The following DCAF1 variants were observed in gnomAD, a reference collection of about 807,000 sequenced individuals.
DCAF1 encodes DDB1- and CUL4-associated factor 1.
A neutral mutation model predicts 128.0 loss-of-function variants in DCAF1; 15 were observed. The observed-to-expected ratio is 0.12, with a 90% CI of 0.08 to 0.18. The LOEUF (loss-of-function observed/expected upper bound fraction) is 0.18, where lower values mean the gene tolerates loss of function less well. Among genes scored for constraint, DCAF1 ranks in the 10% least tolerant of loss-of-function variants. The pLI, the probability that DCAF1 is intolerant of heterozygous loss-of-function variation, is 1.00. For synonymous variants in DCAF1, 610 were observed against 603.0 expected (o/e 1.01, Z -0.17); for missense variants, 988 against 1,649.5 (o/e 0.60, Z 6.95).
At chr3:51,477,838 T>A (rs1269855239) in intron 3 of DCAF1, among the ~76,000 whole-genome samples, 1 of 152,126 alleles carries the variant, frequency 6.6e-6, no homozygotes, top group Non-Finnish European at 1.5e-5. Context: ...ATGAACTGAT[T>A]CACTCATTTT....
At chr3:51,426,776 C>T (rs1390662096) in intron 13 of DCAF1, among the ~76,000 whole-genome samples, 3 of 152,114 alleles carry the variant, frequency 2.0e-5, no homozygotes, top group Admixed American at 6.6e-5. Flanking sequence ...AGGTCAAGCA[C>T]TCTGTTTATA....
At chr3:51,432,353 C>T (rs1700466938) in intron 10 of DCAF1, among the ~76,000 whole-genome samples, 1 of 151,408 alleles carries the variant, frequency 6.6e-6, no homozygotes, top group Admixed American at 6.6e-5. Context: ...AGGCTGAGCA[C>T]TTGGGCAATA....
chr3:51,430,276 T>A (rs539675391), intron 10 of DCAF1, 64 bp from the exon 11 acceptor site: 1 of 718,576 alleles, frequency 1.4e-6, no homozygotes, highest in Admixed American at 2.0e-5. Context: ...TTGAACAGGA[T>A]GGAAAATTTG....
At chr3:51,483,962 T>C (rs1577303426) in intron 2 of DCAF1, 126 bp from the exon 3 acceptor site, 3 of 662,068 alleles carry the variant, frequency 4.5e-6, no homozygotes, top group East Asian at 5.4e-5. Context: ...TTTAACCCCT[T>C]GAACCCTTTG....
intron 6 of DCAF1, among the ~76,000 whole-genome samples, chr3:51,452,768 T>C (rs1702483436): frequency 6.6e-6 from 1 of 152,112 alleles, no homozygotes; most frequent in African/African-American, 2.4e-5. Flanking sequence ...TCCCAGCACT[T>C]TGGGAGGCTG....
At chr3:51,449,872 CA>C (rs1177381217) in intron 6 of DCAF1, among the ~76,000 whole-genome samples, 3 of 151,994 alleles carry the variant, frequency 2.0e-5, no homozygotes, top group Admixed American at 2.0e-4. Flanking sequence ...TACAATTGTA[CA>C]ACAACAAATT....
intron 9 of DCAF1, among the ~76,000 whole-genome samples, chr3:51,435,237 C>T (rs1204717544): frequency 6.6e-6 from 1 of 152,142 alleles, no homozygotes; most frequent in Non-Finnish European, 1.5e-5. Context: ...TAGCAACTGC[C>T]CAATCCCTTC....
rs917143192 is a variant in DCAF1, at chr3:51,398,242, G to T, written c.*527C>A. The T allele has an allele frequency of 6.6e-6, 1 of 151,896 alleles. No homozygotes were observed. 9.4% of individuals were successfully genotyped at this position (151,896 alleles called of 1,614,324 possible). ...AATCCTTATCAATTTAAGAAACCACGATTTTCCTTTTCATTTAAATACGTA... is the reference window on the plus strand; with the variant it reads ...AATCCTTATCAATTTAAGAAACCACTATTTTCCTTTTCATTTAAATACGTA... On this transcript the variant is annotated 3_prime_UTR_variant, in exon 25 of 25. Transcript: ENST00000684031.
At chr3:51,412,252 C>A in intron 23 of DCAF1, 127 bp downstream of exon 23, 1 of 1,308,386 alleles carries the variant, frequency 7.6e-7, no homozygotes, top group Non-Finnish European at 1.0e-6. Flanking sequence ...GGGTACATGA[C>A]AAGCCTTATG....
In DCAF1 at chr3:51,415,781, G is replaced by T. The variant is rs550266795; in HGVS notation, c.3604-924C>A. On this transcript the variant is annotated intron_variant, in intron 18 of 24. Coordinates refer to ENST00000684031, the MANE Select transcript of DCAF1 (RefSeq NM_001387579.1). ...ATTTTGTTTATTTTTTGTAGAGATG[G>T]GGGGAGTCTCTCTATGTTGCCCAGG... 2.0e-5 allele frequency among the ~76,000 whole-genome samples: 3 copies of T among 152,022 alleles called. No homozygotes were observed. The South Asian group carries it at 6.2e-4, about 32-fold the overall frequency.
chr3:51,434,844 T>C (rs1328514372), intron 9 of DCAF1, among the ~76,000 whole-genome samples: 1 of 152,080 alleles, frequency 6.6e-6, no homozygotes, highest in Non-Finnish European at 1.5e-5. Context: ...GGGCAAAGAG[T>C]ATAATCCAAG....
At chr3:51,488,900 G>T (rs1218664072) in intron 2 of DCAF1, among the ~76,000 whole-genome samples, 1 of 152,162 alleles carries the variant, frequency 6.6e-6, no homozygotes. Context: ...GGGAGGCGGA[G>T]GTTGCAGTAA....
At chr3:51,410,572 GTCC>G (rs782366880) in intron 23 of DCAF1, among the ~76,000 whole-genome samples, 10,279 of 152,166 alleles carry the variant, frequency 0.068, 899 homozygotes, top group East Asian at 0.33. Flanking sequence ...AAAAACATGG[GTCC>G]TTTGCCCTAG....
At chr3:51,427,802 AT>A (rs1390329450) in intron 12 of DCAF1, among the ~76,000 whole-genome samples, 32 of 151,500 alleles carry the variant, frequency 2.1e-4, no homozygotes, top group East Asian at 9.7e-4. Context: ...CCAGCTAATT[AT>A]TTTATTTTTT....
intron 10 of DCAF1, among the ~76,000 whole-genome samples, chr3:51,431,730 G>A (rs1700401769): frequency 6.6e-6 from 1 of 151,430 alleles, no homozygotes; most frequent in Admixed American, 6.6e-5. Context: ...GGTGGGAGGA[G>A]TACTTGAGTC....
chr3:51,479,574 G>A (rs1466197654), intron 3 of DCAF1, among the ~76,000 whole-genome samples: 1 of 151,826 alleles, frequency 6.6e-6, no homozygotes, highest in African/African-American at 2.4e-5. Flanking sequence ...AGATCATGAG[G>A]GCAGGAGATC....
At chr3:51,421,718 G>A (rs951027832) in intron 14 of DCAF1, among the ~76,000 whole-genome samples, 4 of 152,032 alleles carry the variant, frequency 2.6e-5, no homozygotes, top group East Asian at 1.9e-4. Flanking sequence ...CCCATCACAC[G>A]ACTTCCCATG....
chr3:51,482,011 A>C (rs574683960), intron 3 of DCAF1, among the ~76,000 whole-genome samples: 1 of 152,150 alleles, frequency 6.6e-6, no homozygotes, highest in African/African-American at 2.4e-5. Flanking sequence ...AAAAACAAAA[A>C]AAGTTTTTCA....
At chr3:51,463,763 G>A (rs978756772) in intron 5 of DCAF1, among the ~76,000 whole-genome samples, 4 of 151,778 alleles carry the variant, frequency 2.6e-5, no homozygotes, top group South Asian at 4.2e-4. Flanking sequence ...CCTGGGCAAC[G>A]GTGAGACCCT....
Sources: allele counts gnomAD v4.1 joint callset (sites outside exome capture counted in the v4.1 genomes callset), GRCh38; gene constraint gnomAD v4.1.1; transcripts MANE v1.5; gene names NCBI Gene and HGNC (gene_info 2026-07-23, HGNC 2026-07-21).